PRDM2: variants seen among roughly 807,000 people sequenced by gnomAD.
PRDM2 encodes PR/SET domain 2.
PRDM2 carries 30 observed loss-of-function variants against 130.0 expected under a neutral mutation model. The ratio of observed to expected loss-of-function variants is 0.23; its 90% CI spans 0.17 to 0.31. PRDM2 has a LOEUF of 0.31. PRDM2 is among the 10% of genes least tolerant of loss of function. The pLI is 1.00. For missense variants in PRDM2, 2,011 were observed against 2,108.4 expected (o/e 0.95, Z 0.90); for synonymous variants, 871 against 782.4 (o/e 1.11, Z -1.89).
chr1:13,793,559 A>G (rs1557663859), intron 8 of PRDM2, among the ~76,000 whole-genome samples: 1 of 152,348 alleles, frequency 6.6e-6, no homozygotes, highest in Admixed American at 6.5e-5. Context: ...GAACTGAGAA[A>G]CATAAGTTTC....
At chr1:13,801,883 G>C (rs940756194) in intron 8 of PRDM2, among the ~76,000 whole-genome samples, 6 of 152,180 alleles carry the variant, frequency 3.9e-5, no homozygotes, top group African/African-American at 1.4e-4. Context: ...GGCTGGGCTG[G>C]GTGTCTGTTT....
At chr1:13,732,664 G>A (rs1159162942) in intron 3 of PRDM2, 115 bp from the exon 4 acceptor site, 2 of 670,064 alleles carry the variant, frequency 3.0e-6, no homozygotes, top group African/African-American at 3.8e-5. Flanking sequence ...TTTAACATTA[G>A]CTTGATTTAG....
chr1:13,787,675 G>A (rs1453464493), intron 8 of PRDM2: 26 of 980,494 alleles, frequency 2.7e-5, no homozygotes, highest in Admixed American at 6.1e-5. Context: ...TGTTTTGGAC[G>A]CTTCAATTGT....
chr1:13,768,074 G>GTTTTTTTT, intron 6 of PRDM2, among the ~76,000 whole-genome samples: 1 of 117,756 alleles, frequency 8.5e-6, no homozygotes, highest in Non-Finnish European at 1.8e-5. Flanking sequence ...TTGTCCTTGA[G>GTTTTTTTT]TTTTTTTTTT....
At chr1:13,730,945 C>T (rs1643083613) in intron 2 of PRDM2, 55 bp from the exon 3 acceptor site, 3 of 1,276,210 alleles carry the variant, frequency 2.4e-6, no homozygotes, top group Admixed American at 2.4e-5. Flanking sequence ...AAAAAAAAAC[C>T]CATGATTTGA....
chr1:13,763,692 T>C (rs746186775), intron 6 of PRDM2, among the ~76,000 whole-genome samples: 3 of 152,246 alleles, frequency 2.0e-5, no homozygotes, highest in Non-Finnish European at 4.4e-5. Flanking sequence ...AATTATCTCA[T>C]TGTTTTTACT....
chr1:13,741,550 C>T (rs902387717), intron 4 of PRDM2, among the ~76,000 whole-genome samples: 1 of 152,118 alleles, frequency 6.6e-6, no homozygotes. Flanking sequence ...GTGCCATACT[C>T]GATTAGCAGA....
At chr1:13,717,846 G>T (rs1443369415) in intron 2 of PRDM2, among the ~76,000 whole-genome samples, 2 of 152,088 alleles carry the variant, frequency 1.3e-5, no homozygotes, top group Non-Finnish European at 2.9e-5. Context: ...TAATTTAAAT[G>T]GTCTGGTAGT....
intron 8 of PRDM2, among the ~76,000 whole-genome samples, chr1:13,804,460 C>T (rs1320033143): frequency 3.6e-5 from 5 of 138,722 alleles, no homozygotes; most frequent in East Asian, 2.0e-4. Flanking sequence ...CTTGAGACGC[C>T]GCTAAAGGTG....
At chr1:13,751,262 C>A (rs1255941797) in intron 6 of PRDM2, among the ~76,000 whole-genome samples, 1 of 152,034 alleles carries the variant, frequency 6.6e-6, no homozygotes, top group East Asian at 1.9e-4. Context: ...GTTCATATTT[C>A]TTATTATCCT....
intron 7 of PRDM2, among the ~76,000 whole-genome samples, chr1:13,775,262 T>C (rs1014980067): frequency 1.3e-5 from 2 of 152,240 alleles, no homozygotes; most frequent in Non-Finnish European, 2.9e-5. Context: ...TCTGGGATTG[T>C]TTACCAGTCA....
At chr1:13,720,787 T>G (rs1642701640) in intron 2 of PRDM2, among the ~76,000 whole-genome samples, 1 of 152,250 alleles carries the variant, frequency 6.6e-6, no homozygotes, top group Non-Finnish European at 1.5e-5. Flanking sequence ...AAATATTTTC[T>G]TGGTGCATTA....
At chr1:13,723,544 C>A (rs1381073224) in intron 2 of PRDM2, among the ~76,000 whole-genome samples, 1 of 152,212 alleles carries the variant, frequency 6.6e-6, no homozygotes, top group African/African-American at 2.4e-5. Flanking sequence ...GCTCTGTTGA[C>A]CACCCTCACT....
intron 7 of PRDM2, among the ~76,000 whole-genome samples, chr1:13,777,376 C>T (rs1644498663): frequency 6.6e-6 from 1 of 151,812 alleles, no homozygotes; most frequent in South Asian, 2.1e-4. Flanking sequence ...CTCTTGAATA[C>T]AAGTCAGATT....
At chr1:13,749,566 T>G (rs1354102459) in intron 6 of PRDM2, 79 bp downstream of exon 6, 2 of 945,720 alleles carry the variant, frequency 2.1e-6, no homozygotes, top group African/African-American at 1.8e-5. Context: ...TCGCTGCTGC[T>G]GGCCCGACCG....
intron 2 of PRDM2, among the ~76,000 whole-genome samples, chr1:13,726,555 C>A (rs77060787): frequency 6.6e-6 from 1 of 152,092 alleles, no homozygotes; most frequent in African/African-American, 2.4e-5. Context: ...GAAGGAGAGA[C>A]GCTTTGGCGA....
At position 13,780,720 on chromosome 1, in the gene PRDM2, C is replaced by G. The variant is rs200725409; in HGVS notation, c.2925C>G (p.Pro975=). ...CCACAGATCCCTCTTCCCCTCCACCCTGTCCCCCGGTATTAACTGTTGCCA... is the reference window on the plus strand; with the variant it reads ...CCACAGATCCCTCTTCCCCTCCACCGTGTCCCCCGGTATTAACTGTTGCCA... The part of the protein sequence containing the change: ...LIPTDPSSPP[P]CPPVLTVATP... The change falls in exon 8 of 10, where the codon CCC becomes CCG. Residue 975 remains proline, a synonymous_variant. Transcript: ENST00000311066. 159 of 1,598,052 alleles carry G rather than the reference C, an allele frequency of 9.9e-5. 1 individual carries two copies. In the South Asian group the frequency reaches 1.4e-3, roughly 14 times the overall value.
At chr1:13,704,415 C>G (rs1264880743) in intron 1 of PRDM2, among the ~76,000 whole-genome samples, 1 of 152,084 alleles carries the variant, frequency 6.6e-6, no homozygotes, top group Admixed American at 6.5e-5. Context: ...CATGCCTATA[C>G]TGTGTTTTCA....
At chr1:13,792,819 C>T (rs1302449840) in intron 8 of PRDM2, among the ~76,000 whole-genome samples, 3 of 152,220 alleles carry the variant, frequency 2.0e-5, no homozygotes, top group Non-Finnish European at 4.4e-5. Context: ...GAGTGCTTTA[C>T]ATTTTGAGCT....
Sources: gnomAD v4.1 joint callset for allele counts (sites outside exome capture counted in the v4.1 genomes callset) on GRCh38, gnomAD v4.1.1 for gene constraint, MANE v1.5 for transcripts, NCBI Gene and HGNC (gene_info 2026-07-23, HGNC 2026-07-21) for gene names.